The following MYO1D variants were observed in gnomAD, a reference collection of about 807,000 sequenced individuals.
MYO1D encodes myosin ID, also known as unconventional myosin-Id.
MYO1D carries 83 observed loss-of-function variants against 122.0 expected under a neutral mutation model. That is an observed-to-expected ratio of 0.68 (90% confidence interval 0.57 to 0.82). The LOEUF is 0.82. MYO1D is among the 40% of genes least tolerant of loss of function. The pLI, the probability that MYO1D is intolerant of heterozygous loss-of-function variation, is 0.00. For missense variants in MYO1D, 1,157 were observed against 1,269.5 expected, an observed-to-expected ratio of 0.91 and a Z score of 1.35; for synonymous variants, 464 against 446.9, an observed-to-expected ratio of 1.04 and a Z score of -0.48.
chr17:32,857,847 A>C (rs2091040227), intron 1 of MYO1D, among the ~76,000 whole-genome samples: 1 of 152,192 alleles, frequency 6.6e-6, no homozygotes, highest in African/African-American at 2.4e-5. Context: ...GCTACTAATC[A>C]TCAGGCATTT....
intron 17 of MYO1D, chr17:32,658,819 T>C: frequency 2.9e-6 from 1 of 350,584 alleles, no homozygotes; most frequent in Non-Finnish European, 5.3e-6. Context: ...TATTTTTAGC[T>C]AATAAAAGTA....
At chr17:32,744,056 C>A (rs535890568) in intron 13 of MYO1D, among the ~76,000 whole-genome samples, 1 of 152,144 alleles carries the variant, frequency 6.6e-6, no homozygotes. Flanking sequence ...AATTCCAACG[C>A]TTCCCTTCAT....
intron 16 of MYO1D, among the ~76,000 whole-genome samples, chr17:32,678,141 A>C (rs1478238251): frequency 1.3e-5 from 2 of 152,124 alleles, no homozygotes; most frequent in African/African-American, 4.8e-5. Flanking sequence ...TCCTGGCTTG[A>C]ATTCTCCCTC....
chr17:32,594,520 G>C, intron 21 of MYO1D: 2 of 618,724 alleles, frequency 3.2e-6, no homozygotes, highest in Admixed American at 2.4e-5. Context: ...TGTTTATGTA[G>C]AATCTATGCT....
At chr17:32,824,530 T>TAAATG (rs1047345360) in intron 1 of MYO1D, among the ~76,000 whole-genome samples, 3 of 152,226 alleles carry the variant, frequency 2.0e-5, no homozygotes, top group Admixed American at 6.5e-5. Context: ...CCAAATACTT[T>TAAATG]ACACATAGTA....
chr17:32,701,284 C>T (rs1325848821), intron 16 of MYO1D, among the ~76,000 whole-genome samples: 1 of 152,162 alleles, frequency 6.6e-6, no homozygotes, highest in African/African-American at 2.4e-5. Flanking sequence ...AAGAGGTACA[C>T]TCCAACAAAT....
At chr17:32,496,208 G>T (rs1352372109) in intron 21 of MYO1D, 1 of 152,250 alleles carries the variant, frequency 6.6e-6, no homozygotes, top group East Asian at 1.9e-4. Context: ...AGAGTAATGG[G>T]TGTCACTAGA....
intron 16 of MYO1D, among the ~76,000 whole-genome samples, chr17:32,703,730 C>G (rs1451347086): frequency 1.3e-5 from 2 of 152,130 alleles, no homozygotes; most frequent in Admixed American, 6.5e-5. Flanking sequence ...TGAATGGTTA[C>G]AGAATATTAG....
intron 19 of MYO1D, among the ~76,000 whole-genome samples, chr17:32,648,415 ATATT>A (rs1282566659): frequency 5.0e-4 from 76 of 152,234 alleles, no homozygotes; most frequent in Admixed American, 2.2e-3. Context: ...TTTTGTTATG[ATATT>A]TATTTAGTCT....
At chr17:32,761,427 A>G (rs114556276) in intron 8 of MYO1D, among the ~76,000 whole-genome samples, 511 of 152,166 alleles carry the variant, frequency 3.4e-3, no homozygotes, top group African/African-American at 0.012. Context: ...GCATCACTCA[A>G]CCTAGGTTTT....
intron 1 of MYO1D, among the ~76,000 whole-genome samples, chr17:32,799,235 T>A (rs1387869499): frequency 6.6e-6 from 1 of 152,146 alleles, no homozygotes; most frequent in Non-Finnish European, 1.5e-5. Flanking sequence ...AAACAAATAA[T>A]TTTCCCTATT....
intron 21 of MYO1D, chr17:32,509,832 C>T (rs1909626687): frequency 6.6e-6 from 1 of 152,094 alleles, no homozygotes; most frequent in African/African-American, 2.4e-5. Flanking sequence ...CATGATCTGC[C>T]CGCCTCGGCC....
intron 21 of MYO1D, among the ~76,000 whole-genome samples, chr17:32,576,326 A>C (rs1196318333): frequency 6.6e-6 from 1 of 152,228 alleles, no homozygotes; most frequent in Non-Finnish European, 1.5e-5. Context: ...AGAAGCAACA[A>C]AGGACAGCAT....
chr17:32,844,732 A>G (rs2090919763), intron 1 of MYO1D, among the ~76,000 whole-genome samples: 1 of 152,052 alleles, frequency 6.6e-6, no homozygotes, highest in Non-Finnish European at 1.5e-5. Flanking sequence ...CTCTAAAAAA[A>G]CAATGTATAA....
intron 21 of MYO1D, among the ~76,000 whole-genome samples, chr17:32,600,101 T>G (rs561517116): frequency 6.6e-6 from 1 of 152,368 alleles, no homozygotes; most frequent in East Asian, 1.9e-4. Context: ...TAACTAGATG[T>G]ACTGTCAATG....
chr17:32,746,441 C>T (rs960615848), intron 12 of MYO1D, among the ~76,000 whole-genome samples: 1 of 152,188 alleles, frequency 6.6e-6, no homozygotes, highest in Non-Finnish European at 1.5e-5. Context: ...ATCAGCCTTC[C>T]TGGGTTTATC....
At chr17:32,616,216 GA>G (rs1420971277) in intron 20 of MYO1D, among the ~76,000 whole-genome samples, 3 of 152,220 alleles carry the variant, frequency 2.0e-5, no homozygotes, top group African/African-American at 7.2e-5. Context: ...TGCCTGGATT[GA>G]ATTAGATGAG....
intron 21 of MYO1D, among the ~76,000 whole-genome samples, chr17:32,567,804 C>T (rs1254674320): frequency 6.6e-6 from 1 of 152,196 alleles, no homozygotes; most frequent in Non-Finnish European, 1.5e-5. Flanking sequence ...TGCCTTGCAT[C>T]ATTGAGGCTG....
At chr17:32,814,023 G>A (rs2090593695) in intron 1 of MYO1D, among the ~76,000 whole-genome samples, 1 of 152,188 alleles carries the variant, frequency 6.6e-6, no homozygotes, top group African/African-American at 2.4e-5. Context: ...TTAGAAAAGT[G>A]ACCTGCCAGA....
Sources: allele counts gnomAD v4.1 joint callset (sites outside exome capture counted in the v4.1 genomes callset), GRCh38; gene constraint gnomAD v4.1.1; transcripts MANE v1.5; gene names NCBI Gene and HGNC (gene_info 2026-07-23, HGNC 2026-07-21).